Variants in ZNF362 observed in about 807,000 individuals in gnomAD.
The protein encoded by ZNF362 is rotund homolog.
Under a neutral mutation model 42.9 loss-of-function variants are expected in ZNF362, and 11 were observed. The ratio of observed to expected loss-of-function variants is 0.26; its 90% confidence interval spans 0.16 to 0.42. The LOEUF is 0.42. ZNF362 is among the 20% of genes least tolerant of loss of function. The pLI, the probability that ZNF362 is intolerant of heterozygous loss-of-function variation, is 1.00. For synonymous variants in ZNF362, 255 were observed against 257.3 expected, an observed-to-expected ratio of 0.99 and a Z score of 0.09; for missense variants, 362 against 576.2, an observed-to-expected ratio of 0.63 and a Z score of 3.81.
chr1:33,262,277 T>C (rs936549562), intron 1 of ZNF362, among the ~76,000 whole-genome samples: 5 of 150,852 alleles, frequency 3.3e-5, no homozygotes, highest in African/African-American at 1.2e-4. Flanking sequence ...TTCTGAACTT[T>C]GGGCAAAGGC....
At chr1:33,166,762 A>G in the ZNF362 span, among the ~76,000 whole-genome samples, 2 of 152,178 alleles carry the variant, frequency 1.3e-5, no homozygotes, top group Non-Finnish European at 2.9e-5. Flanking sequence ...CACACAAGAT[A>G]TCAAAATTTT....
chr1:33,231,086 T>G, the ZNF362 span, among the ~76,000 whole-genome samples: 1 of 152,218 alleles, frequency 6.6e-6, no homozygotes, highest in Non-Finnish European at 1.5e-5. Context: ...GAACTTACTG[T>G]GTGATGGCTT....
At chr1:33,152,541 T>A in the ZNF362 span, among the ~76,000 whole-genome samples, 1 of 136,606 alleles carries the variant, frequency 7.3e-6, no homozygotes, top group East Asian at 2.2e-4. Context: ...CACTCCAGCC[T>A]GGGCAACAAG....
chr1:33,271,268 C>T (rs1020455164), intron 2 of ZNF362, among the ~76,000 whole-genome samples: 4 of 152,236 alleles, frequency 2.6e-5, no homozygotes, highest in Non-Finnish European at 4.4e-5. Flanking sequence ...CTCGTGGCTC[C>T]CCTCACACTG....
chr1:33,172,785 C>T, the ZNF362 span, among the ~76,000 whole-genome samples: 1 of 152,290 alleles, frequency 6.6e-6, no homozygotes, highest in South Asian at 2.1e-4. Flanking sequence ...CCATCCCTCC[C>T]TCTGGTCCAG....
chr1:33,193,127 A>C, the ZNF362 span, among the ~76,000 whole-genome samples: 1 of 152,072 alleles, frequency 6.6e-6, no homozygotes, highest in African/African-American at 2.4e-5. Flanking sequence ...TAGAAATGCT[A>C]GGTAAAATAT....
the ZNF362 span, among the ~76,000 whole-genome samples, chr1:33,129,227 C>T: frequency 1.3e-5 from 2 of 151,944 alleles, no homozygotes; most frequent in Admixed American, 6.6e-5. The surrounding 1 kb of genome is among the most constrained non-coding windows in gnomAD (Gnocchi z 4.1). Context: ...TAAGACAGAC[C>T]CTAAGATTAA....
chr1:33,271,672 G>C (rs1224144401), intron 2 of ZNF362, among the ~76,000 whole-genome samples: 1 of 152,202 alleles, frequency 6.6e-6, no homozygotes, highest in East Asian at 1.9e-4. Context: ...GGCTGAGATG[G>C]GTGTGAGGTG....
the ZNF362 span, among the ~76,000 whole-genome samples, chr1:33,172,366 G>T: frequency 6.6e-6 from 1 of 152,086 alleles, no homozygotes; most frequent in Non-Finnish European, 1.5e-5. Context: ...GTTGGGTAGG[G>T]GCCCACCCTC....
the ZNF362 span, among the ~76,000 whole-genome samples, chr1:33,143,956 G>GC: frequency 6.6e-6 from 1 of 152,212 alleles, no homozygotes; most frequent in Non-Finnish European, 1.5e-5. Context: ...AGTGGGCATG[G>GC]CCCCCATGTC....
the ZNF362 span, among the ~76,000 whole-genome samples, chr1:33,199,214 A>G: frequency 6.6e-6 from 1 of 152,180 alleles, no homozygotes; most frequent in South Asian, 2.1e-4. Flanking sequence ...GAAAAAATAC[A>G]CCAAGGCACA....
Position 33,299,053 on chromosome 1 carries a change from T to G in ZNF362, c.*7T>G. ...GCGAATCTCTCTCATCTGAGCCCAC[T>G]GGAGGCGCCGCCCCACCCGGCCCAC... On this transcript the variant is annotated 3_prime_UTR_variant, in exon 9 of 9. Transcript: ENST00000539719. The G allele has an allele frequency of 1.9e-6, 3 of 1,603,452 alleles. No individual in the cohort carries two copies. Among genetic ancestry groups the G allele is most frequent in the Non-Finnish European group, 2.5e-6 (3 of 1,178,100 alleles).
At chr1:33,245,485 T>C in the ZNF362 span, among the ~76,000 whole-genome samples, 2 of 152,096 alleles carry the variant, frequency 1.3e-5, no homozygotes, top group Non-Finnish European at 2.9e-5. Context: ...GATATGCCCA[T>C]GTCCTACCTC....
the ZNF362 span, among the ~76,000 whole-genome samples, chr1:33,229,508 G>A: frequency 6.6e-6 from 1 of 151,342 alleles, no homozygotes; most frequent in African/African-American, 2.4e-5. Context: ...CCGGGTTCAA[G>A]TGATCCTCCT....
At chr1:33,204,844 A>T in the ZNF362 span, among the ~76,000 whole-genome samples, 1 of 152,210 alleles carries the variant, frequency 6.6e-6, no homozygotes, top group African/African-American at 2.4e-5. Flanking sequence ...TTAATATGTA[A>T]GAATCTATTG....
the ZNF362 span, among the ~76,000 whole-genome samples, chr1:33,188,519 A>G: frequency 6.6e-6 from 1 of 152,200 alleles, no homozygotes; most frequent in Non-Finnish European, 1.5e-5. Flanking sequence ...TATCAGTCCC[A>G]TGAAGTCATA....
chr1:33,149,036 T>A, the ZNF362 span, among the ~76,000 whole-genome samples: 1 of 152,198 alleles, frequency 6.6e-6, no homozygotes, highest in Non-Finnish European at 1.5e-5. Context: ...TCCTCCTCTC[T>A]GCTTGTTGCA....
At chr1:33,233,850 T>G in the ZNF362 span, among the ~76,000 whole-genome samples, 1 of 152,114 alleles carries the variant, frequency 6.6e-6, no homozygotes, top group Non-Finnish European at 1.5e-5. Flanking sequence ...CTCCATCACT[T>G]CCTAAATATG....
chr1:33,204,091 A>G, the ZNF362 span, among the ~76,000 whole-genome samples: 1 of 152,088 alleles, frequency 6.6e-6, no homozygotes, highest in African/African-American at 2.4e-5. Flanking sequence ...TCTTTTAGAA[A>G]TTTTATGGTT....
Sources: gnomAD v4.1 joint callset for allele counts (sites outside exome capture counted in the v4.1 genomes callset) on GRCh38, gnomAD v4.1.1 for gene constraint, Gnocchi (gnomAD v3.1) non-coding constraint, MANE v1.5 for transcripts, NCBI Gene and HGNC (gene_info 2026-07-23, HGNC 2026-07-21) for gene names.